The following MCOLN2 variants were observed in gnomAD, a reference collection of about 807,000 sequenced individuals.
MCOLN2 encodes the protein mucolipin-2.
In MCOLN2, 57 loss-of-function variants were observed where a neutral mutation model predicts 67.5. The ratio of observed to expected loss-of-function variants is 0.84; its 90% CI spans 0.68 to 1.05. MCOLN2 has a LOEUF of 1.05. Among genes scored for constraint, MCOLN2 ranks in the 50% least tolerant of loss-of-function variants. MCOLN2 has a pLI of 0.00. For missense variants in MCOLN2, 620 were observed against 678.8 expected, an observed-to-expected ratio of 0.91 and a Z score of 0.96; for synonymous variants, 246 against 233.3, an observed-to-expected ratio of 1.05 and a Z score of -0.50.
At chr1:84,935,338 TA>T (rs1332872072) in intron 11 of MCOLN2, among the ~76,000 whole-genome samples, 4 of 152,182 alleles carry the variant, frequency 2.6e-5, no homozygotes, top group African/African-American at 7.2e-5. Context: ...AGAGATGCCA[TA>T]AACAGACCTG....
At chr1:84,943,204 G>GT (rs1356549294) in intron 7 of MCOLN2, among the ~76,000 whole-genome samples, 1 of 152,104 alleles carries the variant, frequency 6.6e-6, no homozygotes, top group Non-Finnish European at 1.5e-5. Context: ...GCACAGAATC[G>GT]TAAGAGATGG....
chr1:84,989,038 A>G (rs942713474), intron 1 of MCOLN2, among the ~76,000 whole-genome samples: 4 of 152,170 alleles, frequency 2.6e-5, no homozygotes, highest in Admixed American at 1.3e-4. Flanking sequence ...CACTGCCTCT[A>G]TCATCACTTT....
At chr1:84,954,217 GC>G (rs1302376079) in intron 4 of MCOLN2, among the ~76,000 whole-genome samples, 2 of 152,128 alleles carry the variant, frequency 1.3e-5, no homozygotes, top group Non-Finnish European at 2.9e-5. Flanking sequence ...CAGAAACAGG[GC>G]CCAGAGCTAA....
intron 1 of MCOLN2, among the ~76,000 whole-genome samples, chr1:84,991,522 A>G (rs188653849): frequency 2.4e-4 from 37 of 152,278 alleles, no homozygotes; most frequent in African/African-American, 8.7e-4. Context: ...AAAGGCAAAG[A>G]AGAAAACTTT....
At chr1:84,984,664 T>C (rs924634256) in intron 1 of MCOLN2, among the ~76,000 whole-genome samples, 7 of 152,220 alleles carry the variant, frequency 4.6e-5, no homozygotes, top group Non-Finnish European at 7.3e-5. Context: ...CTTCCTGTTT[T>C]GTTGAAAGCA....
intron 1 of MCOLN2, chr1:84,972,013 G>A (rs1219398530): frequency 6.6e-6 from 1 of 152,244 alleles, no homozygotes; most frequent in Non-Finnish European, 1.5e-5. Flanking sequence ...AGTGAGCTGA[G>A]AATGTGCCAC....
chr1:84,938,268 T>C (rs948555039), intron 9 of MCOLN2, among the ~76,000 whole-genome samples, 186 bp from the exon 10 acceptor site: 3 of 152,222 alleles, frequency 2.0e-5, no homozygotes, highest in Admixed American at 6.5e-5. Context: ...GTTTCTCATT[T>C]TCTTTTAGTA....
intron 11 of MCOLN2, among the ~76,000 whole-genome samples, chr1:84,936,962 C>T: frequency 6.6e-6 from 1 of 152,150 alleles, no homozygotes; most frequent in East Asian, 1.9e-4. Context: ...ACCGAAATGC[C>T]CAGCAGAGTG....
chr1:84,970,586 G>A (rs1649625709), intron 1 of MCOLN2, among the ~76,000 whole-genome samples: 1 of 151,982 alleles, frequency 6.6e-6, no homozygotes, highest in Admixed American at 6.6e-5. Context: ...AGGCAGCTGA[G>A]ACACGAGAAT....
rs1405810445 is a variant in MCOLN2 at position 84,965,362 on chromosome 1, T to A, written c.237+187A>T. Among the ~76,000 whole-genome samples the A allele has an allele frequency of 2.6e-5, 4 of 152,202 alleles. No homozygotes were observed. In the East Asian group the frequency reaches 7.7e-4, roughly 29 times the overall value. On this transcript the variant is annotated intron_variant, in intron 2 of 13. Coordinates refer to ENST00000370608, the MANE Select transcript of MCOLN2 (RefSeq NM_153259.4). ...TCTGTACAGAGAGGCCCTCAGGATC[T>A]CTTACTATGACAAGGTTGTCTTCTA...
At chr1:84,939,780 C>A in intron 8 of MCOLN2, 78 bp from the exon 9 acceptor site, 1 of 1,472,970 alleles carries the variant, frequency 6.8e-7, no homozygotes, top group Non-Finnish European at 9.4e-7. Context: ...CAAAACAGTG[C>A]TCTCACCTGT....
chr1:84,929,885 G>A, intron 12 of MCOLN2: 29 of 313,764 alleles, frequency 9.2e-5, no homozygotes, highest in South Asian at 6.7e-4. Context: ...ACAATCCAAA[G>A]AAAAACTTCA....
At chr1:84,946,462 T>C (rs149427936) in intron 7 of MCOLN2, among the ~76,000 whole-genome samples, 3 of 152,334 alleles carry the variant, frequency 2.0e-5, no homozygotes, top group African/African-American at 7.2e-5. Context: ...TTAGGCTGAG[T>C]ATGCCCTATC....
chr1:84,965,831 T>A, intron 1 of MCOLN2, 123 bp from the exon 2 acceptor site: 1 of 758,998 alleles, frequency 1.3e-6, no homozygotes. Flanking sequence ...AAAGCCTCTT[T>A]ATGAACACAA....
intron 1 of MCOLN2, among the ~76,000 whole-genome samples, chr1:84,974,665 G>T (rs115808438): frequency 0.014 from 2,062 of 152,138 alleles, 49 homozygotes; most frequent in African/African-American, 0.048. Flanking sequence ...GGCCTTGGGT[G>T]AGCCTCTGAG....
At chr1:84,987,353 T>A (rs944251759) in intron 1 of MCOLN2, among the ~76,000 whole-genome samples, 2 of 137,512 alleles carry the variant, frequency 1.5e-5, no homozygotes, top group African/African-American at 5.2e-5. Flanking sequence ...TATAGATATA[T>A]GTAGATATAT....
intron 1 of MCOLN2, among the ~76,000 whole-genome samples, chr1:84,969,570 CAAAAA>C (rs60003501): frequency 3.7e-5 from 3 of 80,692 alleles, no homozygotes; most frequent in African/African-American, 3.9e-5. Flanking sequence ...GACTCTGCCT[CAAAAA>C]AAAAAAAAAA....
rs1412511665 is a variant in MCOLN2, at chr1:84,939,597, T to C, written c.1066A>G (p.Met356Val). The change falls in exon 9 of 14, where the codon ATG becomes GTG. Residue 356 changes from methionine to valine, a missense_variant. Met to Val is a conservative substitution (Grantham distance 21). Coordinates refer to ENST00000370608, the MANE Select transcript of MCOLN2 (RefSeq NM_153259.4). ...WYVLVIISDLMTIIGSILKME... is the reference protein window; with the variant it reads ...WYVLVIISDLVTIIGSILKME... The stretch of plus-strand genomic sequence containing the variant: ...TTTAATATGGAGCCAATGATTGTCA[T>C]TAGGTCGCTGATAATCACCAGGACA... 1 of 1,613,994 alleles carries C rather than the reference T, an allele frequency of 6.2e-7. No homozygotes were observed. Among genetic ancestry groups the C allele is most frequent in the East Asian group, 2.2e-5 (1 of 44,880 alleles).
chr1:84,976,805 TTCA>T (rs1650013330), intron 1 of MCOLN2, among the ~76,000 whole-genome samples: 1 of 152,082 alleles, frequency 6.6e-6, no homozygotes, highest in African/African-American at 2.4e-5. Context: ...GCTGAGGGAT[TTCA>T]TCAACACCAG....
Sources: allele counts gnomAD v4.1 joint callset (sites outside exome capture counted in the v4.1 genomes callset), GRCh38; gene constraint gnomAD v4.1.1; transcripts MANE v1.5; gene names NCBI Gene and HGNC (gene_info 2026-07-23, HGNC 2026-07-21).